Variants in TTYH1 observed in about 807,000 individuals in gnomAD.
TTYH1 encodes protein tweety homolog 1.
In TTYH1, 33 loss-of-function variants were observed where a neutral mutation model predicts 61.2. The ratio of observed to expected loss-of-function variants is 0.54; its 90% CI spans 0.41 to 0.72. The LOEUF (loss-of-function observed/expected upper bound fraction) is 0.72. Among genes scored for constraint, TTYH1 ranks in the 30% least tolerant of loss-of-function variants. The pLI is 0.00. For missense variants in TTYH1, 538 were observed against 575.8 expected (o/e 0.93, Z 0.67); for synonymous variants, 308 against 266.4 (o/e 1.16, Z -1.52).
chr19:54,436,170 C>T lies in TTYH1; in HGVS notation c.*41C>T, dbSNP rs755493142. 7 of 1,613,800 alleles carry T rather than the reference C, an allele frequency of 4.3e-6. No homozygotes were observed. Among genetic ancestry groups the T allele is most frequent in the Middle Eastern group, 1.6e-4 (1 of 6,080 alleles). On this transcript the variant is annotated splice_region_variant and 3_prime_UTR_variant, in exon 13 of 14. Coordinates refer to ENST00000376530, the MANE Select transcript of TTYH1 (RefSeq NM_020659.4). The surrounding 1 kb of genome is among the most constrained non-coding windows in gnomAD (Gnocchi z 4.3). ...TGGACTGGAGCCTGGCTCCCCTCTTCGGTGAGCTTCCAAGGGCCACCCCAG... is the reference window on the plus strand; with the variant it reads ...TGGACTGGAGCCTGGCTCCCCTCTTTGGTGAGCTTCCAAGGGCCACCCCAG...
chr19:54,429,813 C>G lies in TTYH1; in HGVS notation c.808-69C>G. On this transcript the variant is annotated intron_variant, in intron 6 of 13. Transcript: ENST00000376530. This position sits in a 1 kb window ranked among gnomAD's most constrained non-coding sequence, Gnocchi z 5.1. Reference sequence around the variant, plus strand: ...GGGAGGGGAGCTGGGGAGCCAGGCACTGGGTGCTGTGGGAGTGTGGAATCG... The same window carrying G: ...GGGAGGGGAGCTGGGGAGCCAGGCAGTGGGTGCTGTGGGAGTGTGGAATCG... 1.4e-6 allele frequency: 2 copies of G among 1,411,504 alleles called. No individual in the cohort carries two copies. The highest frequency in any genetic ancestry group is 1.2e-5 in the South Asian group (1 of 83,606). The allele number at this position is 1,411,504 out of a possible 1,614,324, so 87.4% of individuals were successfully genotyped here.
At chr19:54,428,501 C>T (rs1202312639) in intron 5 of TTYH1, among the ~76,000 whole-genome samples, 1 of 152,036 alleles carries the variant, frequency 6.6e-6, no homozygotes, top group Non-Finnish European at 1.5e-5. Flanking sequence ...ACTGGGTTTA[C>T]AGGCATGAGC....
chr19:54,421,475 T>A lies in TTYH1; in HGVS notation c.417+87T>A. On this transcript the variant is annotated intron_variant, in intron 3 of 13. Transcript: ENST00000376530. This position sits in a 1 kb window ranked among gnomAD's most constrained non-coding sequence, Gnocchi z 4.8. Reference sequence around the variant, plus strand: ...GGACAAAGGGATCCAAACTCAGAGCTAAGACCCCAGGCTTGAAGCTTAGGA... The same window carrying A: ...GGACAAAGGGATCCAAACTCAGAGCAAAGACCCCAGGCTTGAAGCTTAGGA... 1.1e-6 allele frequency: 1 copy of A among 912,012 alleles called. No homozygotes were observed. The highest frequency in any genetic ancestry group is 1.8e-6 in the Non-Finnish European group (1 of 549,814). 56.5% of individuals were successfully genotyped at this position (912,012 alleles called of 1,614,324 possible).
Position 54,436,113 on chromosome 19 carries a change from G to C in TTYH1, c.1337G>C (p.Trp446Ser), listed in dbSNP as rs1399785755. Residue 446 changes from tryptophan to serine, a missense_variant, in exon 13 of 14, where the codon TGG (tryptophan) becomes TCG (serine). Physicochemically the swap from Trp to Ser is radical, Grantham distance 177. Coordinates refer to ENST00000376530, the MANE Select transcript of TTYH1 (RefSeq NM_020659.4). This position sits in a 1 kb window ranked among gnomAD's most constrained non-coding sequence, Gnocchi z 4.3. Reference protein sequence around the residue: ...NPQESKRFVQWQSSI With the variant: ...NPQESKRFVQSQSSI ...CAGGAATCCAAGCGCTTTGTGCAGT[G>C]GCAGTCGTCTATCTGAGCCCCTCCT... 6.2e-7 allele frequency: 1 copy of C among 1,614,134 alleles called. No individual in the cohort carries two copies. The highest frequency in any genetic ancestry group is 1.1e-5 in the South Asian group (1 of 91,092).
At position 54,416,840 on chromosome 19, in the gene TTYH1, G is replaced by C; in HGVS notation, c.126+1162G>C. On this transcript the variant is annotated intron_variant, in intron 1 of 13. Transcript: ENST00000376530. This position sits in a 1 kb window ranked among gnomAD's most constrained non-coding sequence, Gnocchi z 7.0. ...CAACAACGCCGCTCCACCGGCTCCG[G>C]CCTCGGCCCAGACTCACGCCCGCTC... is the stretch of plus-strand genomic sequence containing the variant. 7.7e-7 allele frequency: 1 copy of C among 1,293,426 alleles called. No homozygotes were observed. The highest frequency in any genetic ancestry group is 1.0e-6 in the Non-Finnish European group (1 of 988,698). The allele number at this position is 1,293,426 out of a possible 1,614,324, so 80.1% of individuals were successfully genotyped here. A position where few individuals can be genotyped will look rare whatever the true frequency, so the allele number is the denominator to read the frequency against.
At chr19:54,431,578 TTCCAGTCCTA>T (rs1187002064) in intron 10 of TTYH1, 49 of 261,586 alleles carry the variant, frequency 1.9e-4, no homozygotes, top group African/African-American at 1.0e-3. Context: ...ACTGCCTGGG[TTCCAGTCCTA>T]CCTCCTGACC....
Position 54,435,516 on chromosome 19 carries a change from A to C in TTYH1, c.1126-26A>C, listed in dbSNP as rs762457898. 2.5e-6 allele frequency: 4 copies of C among 1,570,702 alleles called. No individual in the cohort carries two copies. The African/African-American group carries it at 4.0e-5, about 16-fold the overall frequency. On this transcript the variant is annotated intron_variant, in intron 10 of 13. Transcript: ENST00000376530. ...CCGATGGGGGAGGGGGTGGGGACGC[A>C]TGGCCTGATGACGCCCTCCCCTCAG...
In TTYH1 at chr19:54,429,784, G is replaced by T; in HGVS notation, c.808-98G>T. ...AGAGGGGCTGGGACCTGGACCCCTG[G>T]GTGGGGAGGGGAGCTGGGGAGCCAG... On this transcript the variant is annotated intron_variant, in intron 6 of 13. Transcript: ENST00000376530. The surrounding 1 kb of genome is among the most constrained non-coding windows in gnomAD (Gnocchi z 5.1). 1 of 1,050,516 alleles carries T rather than the reference G, an allele frequency of 9.5e-7. No individual in the cohort carries two copies. Among genetic ancestry groups the T allele is most frequent in the Non-Finnish European group, 1.5e-6 (1 of 688,342 alleles). The allele number at this position is 1,050,516 out of a possible 1,614,324, so 65.1% of individuals were successfully genotyped here.
At position 54,436,572 on chromosome 19, in the gene TTYH1, T is replaced by A; in HGVS notation, c.*282T>A. Reference sequence around the variant, plus strand: ...TCATCCCTGGCTGCCGGTCCCATCCTTGGAGGGACTAAGCTGGGGGTGGGG... The same window carrying A: ...TCATCCCTGGCTGCCGGTCCCATCCATGGAGGGACTAAGCTGGGGGTGGGG... On this transcript the variant is annotated 3_prime_UTR_variant, in exon 14 of 14. Transcript: ENST00000376530. The surrounding 1 kb of genome is among the most constrained non-coding windows in gnomAD (Gnocchi z 4.3). The A allele has an allele frequency of 1.6e-6, 1 of 623,532 alleles. No homozygotes were observed. The highest frequency in any genetic ancestry group is 2.6e-5 in the Admixed American group (1 of 38,192). The allele number at this position is 623,532 out of a possible 1,614,324, so 38.6% of individuals were successfully genotyped here. A position where few individuals can be genotyped will look rare whatever the true frequency, so the allele number is the denominator to read the frequency against.
chr19:54,432,369 G>A (rs1484743580), intron 10 of TTYH1: 1 of 152,148 alleles, frequency 6.6e-6, no homozygotes, highest in African/African-American at 2.4e-5. Flanking sequence ...GTAACTCATC[G>A]ATGCCTCATA....
rs552424679 is a variant in TTYH1, at chr19:54,429,644, G to A, written c.808-238G>A. Among the ~76,000 whole-genome samples the A allele has an allele frequency of 3.9e-3, 591 of 151,988 alleles. 3 individuals carry two copies. Among genetic ancestry groups the A allele is most frequent in the Non-Finnish European group, 4.3e-3 (294 of 67,950 alleles). On this transcript the variant is annotated intron_variant, in intron 6 of 13. Transcript: ENST00000376530. The surrounding 1 kb of genome is among the most constrained non-coding windows in gnomAD (Gnocchi z 5.1). ...GGGGGTCTGGACTCCTGGGTGTGAGGGAGGAGAAGCTGGGGGCCTGGACTC... is the reference window on the plus strand; with the variant it reads ...GGGGGTCTGGACTCCTGGGTGTGAGAGAGGAGAAGCTGGGGGCCTGGACTC...
chr19:54,417,241 T>C lies in TTYH1; in HGVS notation c.126+1563T>C, dbSNP rs113279720. ...GCCCACTTATTCCAACACACTCACA[T>C]GCACACACATATGCACAGGCACACT... On this transcript the variant is annotated intron_variant, in intron 1 of 13. Coordinates refer to ENST00000376530, the MANE Select transcript of TTYH1 (RefSeq NM_020659.4). Among the ~76,000 whole-genome samples, 373 of 144,386 alleles carry C rather than the reference T, an allele frequency of 2.6e-3. 2 individuals carry two copies. The highest frequency in any genetic ancestry group is 0.01 in the African/African-American group (361 of 36,022). 94.7% of individuals were successfully genotyped at this position (144,386 alleles called of 152,430 possible). A position where few individuals can be genotyped will look rare whatever the true frequency, so the allele number is the denominator to read the frequency against.
At chr19:54,435,994 T>C in intron 12 of TTYH1, 97 bp from the exon 13 acceptor site, 1 of 1,563,102 alleles carries the variant, frequency 6.4e-7, no homozygotes, top group South Asian at 1.1e-5. Context: ...GGGCCCGGAC[T>C]CCTGGGTCTG....
chr19:54,421,180 G>A lies in TTYH1; in HGVS notation c.306-97G>A, dbSNP rs2083209434. ...AGGTGGGGCTGAGATGGGAGGGGTG[G>A]ATAAGAAGGCGAGGTGGAGGGGATG... On this transcript the variant is annotated intron_variant, in intron 2 of 13. Coordinates refer to ENST00000376530, the MANE Select transcript of TTYH1 (RefSeq NM_020659.4). This position sits in a 1 kb window ranked among gnomAD's most constrained non-coding sequence, Gnocchi z 4.8. 1 of 751,974 alleles carries A rather than the reference G, an allele frequency of 1.3e-6. No homozygotes were observed. The highest frequency in any genetic ancestry group is 2.3e-6 in the Non-Finnish European group (1 of 435,808). The allele number at this position is 751,974 out of a possible 1,614,324, so 46.6% of individuals were successfully genotyped here.
Position 54,421,237 on chromosome 19 carries a change from T to C in TTYH1, c.306-40T>C, listed in dbSNP as rs1327102751. 3 of 1,435,878 alleles carry C rather than the reference T, an allele frequency of 2.1e-6. No homozygotes were observed. Among genetic ancestry groups the C allele is most frequent in the Non-Finnish European group, 2.9e-6 (3 of 1,018,922 alleles). The allele number at this position is 1,435,878 out of a possible 1,614,324, so 88.9% of individuals were successfully genotyped here. On this transcript the variant is annotated intron_variant, in intron 2 of 13. Transcript: ENST00000376530. The surrounding 1 kb of genome is among the most constrained non-coding windows in gnomAD (Gnocchi z 4.8). ...GAGGGGACGGTGGCCCCCGGGGTCC[T>C]GGGACCCGCTGAGATTCCTCTCCCT...
intron 5 of TTYH1, among the ~76,000 whole-genome samples, chr19:54,427,583 G>A (rs1400638191): frequency 4.7e-5 from 7 of 148,762 alleles, no homozygotes; most frequent in Admixed American, 6.9e-5. Context: ...CAGCCTGGGC[G>A]ACACAGTGAG....
intron 10 of TTYH1, chr19:54,431,626 C>T (rs140720796): frequency 7.4e-5 from 15 of 202,694 alleles, no homozygotes; most frequent in East Asian, 1.5e-4. Context: ...CTTCTCTGTA[C>T]CTCAGTTAGT....
intron 5 of TTYH1, among the ~76,000 whole-genome samples, chr19:54,428,317 G>T (rs906859320): frequency 7.9e-5 from 12 of 151,820 alleles, no homozygotes; most frequent in African/African-American, 2.9e-4. Context: ...TCAAACTCCT[G>T]ACCTAAGGTG....
At chr19:54,435,441 G>T in intron 10 of TTYH1, 101 bp from the exon 11 acceptor site, 1 of 1,416,634 alleles carries the variant, frequency 7.1e-7, no homozygotes. Context: ...CAGTTGACGT[G>T]TGCAGTACCA....
Sources: allele counts gnomAD v4.1 joint callset (sites outside exome capture counted in the v4.1 genomes callset), GRCh38; gene constraint gnomAD v4.1.1; non-coding constraint Gnocchi (gnomAD v3.1); transcripts MANE v1.5; gene names NCBI Gene and HGNC (gene_info 2026-07-23, HGNC 2026-07-21).